RORA: variants seen among roughly 807,000 people sequenced by gnomAD.
The protein encoded by RORA is nuclear receptor ROR-alpha.
In RORA, 7 loss-of-function variants were observed where a neutral mutation model predicts 69.5. The observed-to-expected ratio is 0.10, with a 90% CI of 0.06 to 0.19. The LOEUF (loss-of-function observed/expected upper bound fraction) is 0.19, where lower values mean the gene tolerates loss of function less well. Among genes scored for constraint, RORA ranks in the 10% least tolerant of loss-of-function variants. The probability of loss-of-function intolerance (pLI) is 1.00; values close to 1 mark genes in which losing one functional copy is unlikely to be tolerated. For missense variants in RORA, 457 were observed against 663.0 expected, an observed-to-expected ratio of 0.69 and a Z score of 3.41; for synonymous variants, 261 against 240.8, an observed-to-expected ratio of 1.08 and a Z score of -0.78.
At chr15:61,174,772 A>G (rs1332065936) in intron 1 of RORA, among the ~76,000 whole-genome samples, 3 of 151,792 alleles carry the variant, frequency 2.0e-5, no homozygotes, top group Admixed American at 6.6e-5. Context: ...AATTTTACTG[A>G]TTGCCAGCTA....
At chr15:60,820,316 C>G (rs1368406205) in intron 1 of RORA, among the ~76,000 whole-genome samples, 1 of 152,112 alleles carries the variant, frequency 6.6e-6, no homozygotes. Flanking sequence ...TAAGCCAGTT[C>G]CCTTAAGTTT....
intron 1 of RORA, among the ~76,000 whole-genome samples, 169 bp from the exon 2 acceptor site, chr15:60,678,855 T>A (rs984393860): frequency 7.9e-5 from 12 of 152,166 alleles, no homozygotes; most frequent in South Asian, 4.1e-4. Context: ...CCCAAAGGCA[T>A]GCAACCGTGA....
chr15:60,670,137 A>G (rs970810947), intron 2 of RORA, among the ~76,000 whole-genome samples: 8 of 152,030 alleles, frequency 5.3e-5, no homozygotes, highest in African/African-American at 1.9e-4. Flanking sequence ...AAAATGTAAA[A>G]TAAAAGATTT....
At chr15:60,642,235 G>GA (rs903503649) in intron 2 of RORA, among the ~76,000 whole-genome samples, 12 of 147,456 alleles carry the variant, frequency 8.1e-5, no homozygotes, top group Middle Eastern at 3.5e-3. Flanking sequence ...CAAGTGAGGA[G>GA]AAAAAAAAAA....
At chr15:60,942,883 A>G (rs903943188) in intron 1 of RORA, among the ~76,000 whole-genome samples, 3 of 152,236 alleles carry the variant, frequency 2.0e-5, no homozygotes, top group Non-Finnish European at 4.4e-5. Context: ...ACATTCTGGA[A>G]CAAATAAAGC....
chr15:60,503,804 T>C, intron 6 of RORA, 137 bp from the exon 7 acceptor site: 1 of 984,058 alleles, frequency 1.0e-6, no homozygotes, highest in Non-Finnish European at 1.4e-6. Flanking sequence ...GATCTTATTT[T>C]ATTTTATTTT....
intron 1 of RORA, among the ~76,000 whole-genome samples, chr15:61,086,964 G>A (rs2078634772): frequency 6.6e-6 from 1 of 152,132 alleles, no homozygotes; most frequent in South Asian, 2.1e-4. Context: ...CTTGAGTCCA[G>A]GAGTTTGAGA....
intron 1 of RORA, among the ~76,000 whole-genome samples, chr15:60,781,259 G>A (rs116956827): frequency 3.9e-5 from 6 of 152,256 alleles, no homozygotes; most frequent in East Asian, 3.9e-4. Flanking sequence ...TCTGGTGCCC[G>A]CAGCTTTCAG....
chr15:61,145,762 A>G (rs1196661352), intron 1 of RORA, among the ~76,000 whole-genome samples: 2 of 152,170 alleles, frequency 1.3e-5, no homozygotes, highest in Non-Finnish European at 2.9e-5. Context: ...TTGAATTGCC[A>G]TCAGAAAAAC....
chr15:61,104,744 G>T (rs1003092735), intron 1 of RORA, among the ~76,000 whole-genome samples: 3 of 152,068 alleles, frequency 2.0e-5, no homozygotes, highest in Non-Finnish European at 4.4e-5. Context: ...CCTTAGCATG[G>T]AGCCCTCTTC....
intron 1 of RORA, among the ~76,000 whole-genome samples, chr15:60,879,529 A>T (rs1004826995): frequency 6.6e-6 from 1 of 152,240 alleles, no homozygotes; most frequent in Non-Finnish European, 1.5e-5. Context: ...TACTCTAAAC[A>T]TCTAATTAAA....
At chr15:61,058,405 T>C (rs761158229) in intron 1 of RORA, among the ~76,000 whole-genome samples, 8 of 152,098 alleles carry the variant, frequency 5.3e-5, no homozygotes, top group Non-Finnish European at 1.0e-4. Context: ...ACATTAATCT[T>C]ACTACAGGGT....
chr15:60,882,658 C>G (rs867337036), intron 1 of RORA, among the ~76,000 whole-genome samples: 2 of 151,702 alleles, frequency 1.3e-5, no homozygotes, highest in Admixed American at 1.3e-4. Flanking sequence ...CACACACACA[C>G]ACACACACAC....
In RORA at chr15:60,985,582, CTT is replaced by C. The variant is rs11451387; in HGVS notation, c.166+243469_166+243470del. Among the ~76,000 whole-genome samples, 13 of 100,844 alleles carry C rather than the reference CTT, an allele frequency of 1.3e-4. 1 individual carries two copies. Among genetic ancestry groups the C allele is most frequent in the Non-Finnish European group, 1.8e-4 (10 of 54,834 alleles). The allele number at this position is 100,844 out of a possible 152,430, so 66.2% of individuals were successfully genotyped here. A position where few individuals can be genotyped will look rare whatever the true frequency, so the allele number is the denominator to read the frequency against. ...TTGTGCTAGGTAAGAAACTCATCCT[CTT>C]TTTTTTTTTTTTTTTTTTTGAGATG... On this transcript the variant is annotated intron_variant, in intron 1 of 10. Transcript: ENST00000335670.
intron 1 of RORA, among the ~76,000 whole-genome samples, chr15:60,855,711 C>G (rs1377412550): frequency 6.6e-6 from 1 of 152,102 alleles, no homozygotes; most frequent in East Asian, 1.9e-4. Context: ...GCCTCCGCCT[C>G]CCGGATTTAA....
chr15:60,735,814 T>G (rs2071489202), intron 1 of RORA, among the ~76,000 whole-genome samples: 1 of 152,066 alleles, frequency 6.6e-6, no homozygotes, highest in Non-Finnish European at 1.5e-5. Context: ...TAAAATTCAA[T>G]CCCTCACTTC....
intron 2 of RORA, among the ~76,000 whole-genome samples, chr15:60,603,548 G>A (rs2068869057): frequency 1.3e-5 from 2 of 152,222 alleles, no homozygotes; most frequent in Admixed American, 1.3e-4. Flanking sequence ...AGGAAATAGA[G>A]GGTTAAGTTT....
At chr15:61,010,870 A>G (rs1156626027) in intron 1 of RORA, among the ~76,000 whole-genome samples, 2 of 152,130 alleles carry the variant, frequency 1.3e-5, no homozygotes, top group Non-Finnish European at 2.9e-5. Flanking sequence ...TCCTATTTCT[A>G]CTTACATCAA....
intron 1 of RORA, among the ~76,000 whole-genome samples, chr15:60,709,334 T>A (rs556501450): frequency 6.6e-6 from 1 of 152,344 alleles, no homozygotes; most frequent in South Asian, 2.1e-4. Context: ...ATTACTCTCA[T>A]TTTATTGATT....
Sources: allele counts gnomAD v4.1 joint callset (sites outside exome capture counted in the v4.1 genomes callset), GRCh38; gene constraint gnomAD v4.1.1; transcripts MANE v1.5; gene names NCBI Gene and HGNC (gene_info 2026-07-23, HGNC 2026-07-21).